CFAP20DC: variants seen among roughly 807,000 people sequenced by gnomAD.
CFAP20DC encodes CFAP20 domain containing.
In CFAP20DC, 84 loss-of-function variants were observed where a neutral mutation model predicts 101.7. The observed-to-expected ratio is 0.83, with a 90% confidence interval of 0.69 to 0.99. CFAP20DC has a LOEUF of 0.99. CFAP20DC is among the 50% of genes least tolerant of loss of function. The pLI, the probability that CFAP20DC is intolerant of heterozygous loss-of-function variation, is 0.00. For missense variants in CFAP20DC, 1,007 were observed against 970.3 expected (o/e 1.04, Z -0.50); for synonymous variants, 359 against 351.2 (o/e 1.02, Z -0.25).
Position 59,007,872 on chromosome 3 carries a change from T to C in CFAP20DC, c.278+31685A>G, listed in dbSNP as rs2093475488. On this transcript the variant is annotated intron_variant, in intron 4 of 16. Coordinates refer to ENST00000482387, the MANE Select transcript of CFAP20DC (RefSeq NM_001394063.1). The surrounding 1 kb of genome is among the most constrained non-coding windows in gnomAD (Gnocchi z 4.4). ...GACAAAAAACTCTGAACAGCAGGAC[T>C]TGGGTTTCAGATCTTTCCACTGGTA... is the stretch of plus-strand genomic sequence containing the variant. 6.6e-6 allele frequency among the ~76,000 whole-genome samples: 1 copy of C among 152,200 alleles called. No individual in the cohort carries two copies. The highest frequency in any genetic ancestry group is 1.5e-5 in the Non-Finnish European group (1 of 68,034).
At chr3:58,754,305 A>G (rs1293767705) in intron 15 of CFAP20DC, among the ~76,000 whole-genome samples, 2 of 152,100 alleles carry the variant, frequency 1.3e-5, no homozygotes, top group Non-Finnish European at 2.9e-5. Context: ...GCTGCCATGG[A>G]CCCCAGCAGT....
intron 12 of CFAP20DC, among the ~76,000 whole-genome samples, chr3:58,851,997 T>C (rs1364118914): frequency 6.6e-6 from 1 of 152,160 alleles, no homozygotes; most frequent in Non-Finnish European, 1.5e-5. Context: ...AAGCAGATGT[T>C]CTTGTTCTTT....
intron 14 of CFAP20DC, among the ~76,000 whole-genome samples, chr3:58,815,033 A>G (rs1444066376): frequency 6.6e-6 from 1 of 151,608 alleles, no homozygotes; most frequent in African/African-American, 2.4e-5. Flanking sequence ...GAACCAAAAA[A>G]GAGCCCGCAT....
intron 15 of CFAP20DC, among the ~76,000 whole-genome samples, chr3:58,801,033 T>A (rs1354259323): frequency 1.0e-4 from 1 of 9,954 alleles, no homozygotes; most frequent in African/African-American, 4.5e-4. Context: ...TGGGGTGGGG[T>A]GGGGGTGGGG....
At chr3:58,745,750 G>A (rs191086027) in intron 16 of CFAP20DC, among the ~76,000 whole-genome samples, 2 of 152,270 alleles carry the variant, frequency 1.3e-5, no homozygotes, top group Admixed American at 1.3e-4. Flanking sequence ...CGCTTAAAGT[G>A]TGAAGAAAAG....
chr3:58,932,044 A>G (rs1385994247), intron 5 of CFAP20DC, among the ~76,000 whole-genome samples: 4 of 152,232 alleles, frequency 2.6e-5, no homozygotes, highest in East Asian at 1.9e-4. Flanking sequence ...AGACGAATGT[A>G]TAACTAGAAT....
chr3:59,047,210 A>G lies in CFAP20DC; in HGVS notation c.66T>C (p.Pro22=), dbSNP rs138486211. The G allele has an allele frequency of 3.5e-5, 53 of 1,535,644 alleles. No homozygotes were observed. In the African/African-American group the frequency reaches 3.7e-4, roughly 11 times the overall value. The change falls in exon 2 of 17, where the codon CCT becomes CCC. Residue 22 remains proline (P), a synonymous_variant. Transcript: ENST00000482387. ...VEIFSAQGKN[P]GAKWKILGSP... ...TACCAAGGATCTTCCATTTTGCTCC[A>G]GGATTTTTTCCTTGAGCACTGAAAA...
chr3:58,807,729 G>A (rs1275430247), intron 14 of CFAP20DC, among the ~76,000 whole-genome samples: 1 of 152,244 alleles, frequency 6.6e-6, no homozygotes, highest in East Asian at 1.9e-4. Context: ...ACTTTGACGA[G>A]TTGCGAGAAG....
At chr3:58,930,441 A>G (rs925060854) in intron 5 of CFAP20DC, among the ~76,000 whole-genome samples, 1 of 152,188 alleles carries the variant, frequency 6.6e-6, no homozygotes, top group Non-Finnish European at 1.5e-5. Context: ...GTTCCCAAAG[A>G]GTGGAACATG....
intron 4 of CFAP20DC, among the ~76,000 whole-genome samples, chr3:59,025,834 ATT>A (rs1412357417): frequency 6.6e-6 from 1 of 152,012 alleles, no homozygotes; most frequent in African/African-American, 2.4e-5. Flanking sequence ...GTATATGTGC[ATT>A]TTTTCTTTTC....
At chr3:58,917,469 G>A (rs2084862243) in intron 5 of CFAP20DC, among the ~76,000 whole-genome samples, 1 of 152,130 alleles carries the variant, frequency 6.6e-6, no homozygotes, top group Non-Finnish European at 1.5e-5. Flanking sequence ...AGCCAGCGCT[G>A]TCCTTCCAAA....
intron 4 of CFAP20DC, among the ~76,000 whole-genome samples, chr3:59,031,531 C>T (rs1385768701): frequency 2.6e-5 from 4 of 152,138 alleles, no homozygotes; most frequent in Non-Finnish European, 5.9e-5. Flanking sequence ...GAAAGTGATA[C>T]GTGAGTGCAT....
intron 6 of CFAP20DC, among the ~76,000 whole-genome samples, chr3:58,903,659 A>C (rs565757898): frequency 6.6e-6 from 1 of 152,292 alleles, no homozygotes; most frequent in Admixed American, 6.5e-5. Flanking sequence ...CCTCTTATAA[A>C]ACAATCAGAT....
downstream of CFAP20DC, among the ~76,000 whole-genome samples, chr3:58,740,432 G>T (rs1461845252): frequency 1.3e-5 from 2 of 152,114 alleles, no homozygotes; most frequent in Non-Finnish European, 2.9e-5. This position sits in a 1 kb window ranked among gnomAD's most constrained non-coding sequence, Gnocchi z 4.6. Flanking sequence ...TGTCAATTTG[G>T]TGGCCATCAT....
intron 14 of CFAP20DC, among the ~76,000 whole-genome samples, chr3:58,812,618 A>C (rs2107800792): frequency 6.6e-6 from 1 of 151,824 alleles, no homozygotes; most frequent in South Asian, 2.1e-4. Flanking sequence ...TGACGAGTTA[A>C]TGGGTGCAGC....
intron 15 of CFAP20DC, among the ~76,000 whole-genome samples, chr3:58,754,938 T>G (rs2068829756): frequency 6.6e-6 from 1 of 152,148 alleles, no homozygotes; most frequent in Admixed American, 6.6e-5. Context: ...GAATTAGCAC[T>G]CAATAAATTT....
rs1356213622 is a variant in CFAP20DC at position 58,890,511 on chromosome 3, GCCGGGCAGAGGCGC to G, written c.551-5816_551-5803del. 5.4e-4 allele frequency among the ~76,000 whole-genome samples: 81 copies of G among 149,750 alleles called. 2 individuals are homozygous for G. The highest frequency in any genetic ancestry group is 4.0e-4 in the Admixed American group (6 of 15,166). ...GGCTCCTCACTTCCCAGTAGGGGCA[GCCGGGCAGAGGCGC>G]CCCTCACCTCCCAGACGGGGCGGCT... On this transcript the variant is annotated intron_variant, in intron 6 of 16. Transcript: ENST00000482387.
At chr3:58,868,000 A>G in intron 9 of CFAP20DC, 64 bp from the exon 10 acceptor site, 1 of 1,468,780 alleles carries the variant, frequency 6.8e-7, no homozygotes. Context: ...GAAGTAACTC[A>G]GTAAATATAA....
At chr3:58,890,276 C>T (rs1261323394) in intron 6 of CFAP20DC, among the ~76,000 whole-genome samples, 3 of 149,204 alleles carry the variant, frequency 2.0e-5, no homozygotes, top group African/African-American at 4.9e-5. Flanking sequence ...GCACCCCTCA[C>T]CTCCCGGACG....
Sources: gnomAD v4.1 joint callset for allele counts (sites outside exome capture counted in the v4.1 genomes callset) on GRCh38, gnomAD v4.1.1 for gene constraint, Gnocchi (gnomAD v3.1) non-coding constraint, MANE v1.5 for transcripts, NCBI Gene and HGNC (gene_info 2026-07-23, HGNC 2026-07-21) for gene names.